The following WWOX variants were observed in gnomAD, a reference collection of about 807,000 sequenced individuals.
WWOX encodes WW domain containing oxidoreductase.
Under a neutral mutation model 46.2 loss-of-function variants are expected in WWOX, and 69 were observed. That is an observed-to-expected ratio of 1.49 (90% CI 1.23 to 1.82). WWOX has a LOEUF of 1.82. WWOX is among the 40% of genes most tolerant of loss of function. WWOX has a pLI of 0.00. For missense variants in WWOX, 919 were observed against 542.6 expected (o/e 1.69, Z -6.89); for synonymous variants, 359 against 202.6 (o/e 1.77, Z -6.56).
chr16:78,940,275 C>G (rs562053930), intron 8 of WWOX, among the ~76,000 whole-genome samples: 17 of 152,298 alleles, frequency 1.1e-4, no homozygotes, highest in African/African-American at 2.9e-4. Flanking sequence ...TAAATAACCT[C>G]TGTGGTATTT....
intron 5 of WWOX, among the ~76,000 whole-genome samples, chr16:78,322,895 G>C (rs1183908541): frequency 6.6e-6 from 1 of 152,122 alleles, no homozygotes; most frequent in East Asian, 1.9e-4. Context: ...TGATTTTCAT[G>C]ATCACAACTT....
chr16:78,897,412 G>T (rs980230299), intron 8 of WWOX: 1 of 152,046 alleles, frequency 6.6e-6, no homozygotes, highest in African/African-American at 2.4e-5. Context: ...TCATTTAATA[G>T]AAATCATACC....
chr16:78,751,841 A>AG (rs2049488356), intron 8 of WWOX, among the ~76,000 whole-genome samples: 2 of 152,034 alleles, frequency 1.3e-5, no homozygotes. Context: ...GAAAGGAAGG[A>AG]GGGAGGGAAG....
intron 5 of WWOX, among the ~76,000 whole-genome samples, chr16:78,337,105 G>T (rs4493047): frequency 6.6e-6 from 1 of 152,052 alleles, no homozygotes; most frequent in African/African-American, 2.4e-5. Flanking sequence ...ATTTTAAGTA[G>T]CTGGTAACTC....
chr16:78,233,286 A>C (rs1025659129), intron 5 of WWOX, among the ~76,000 whole-genome samples: 3 of 146,558 alleles, frequency 2.0e-5, no homozygotes, highest in African/African-American at 7.5e-5. Context: ...CATAATAGCC[A>C]CGTAGAGGAC....
At chr16:78,405,656 A>G (rs1242535043) in intron 6 of WWOX, among the ~76,000 whole-genome samples, 2 of 152,250 alleles carry the variant, frequency 1.3e-5, no homozygotes, top group African/African-American at 4.8e-5. Flanking sequence ...GGTGGGTACC[A>G]TATCCCCAAA....
chr16:78,423,373 G>T (rs1019328761), intron 6 of WWOX, among the ~76,000 whole-genome samples: 10 of 152,084 alleles, frequency 6.6e-5, no homozygotes, highest in African/African-American at 2.4e-4. Flanking sequence ...TATTCTAAAT[G>T]TAATAATTCC....
intron 8 of WWOX, among the ~76,000 whole-genome samples, chr16:78,875,071 C>G (rs1484476378): frequency 6.6e-6 from 1 of 152,142 alleles, no homozygotes; most frequent in Non-Finnish European, 1.5e-5. Flanking sequence ...GACAACTCAA[C>G]AAGCTAGCTC....
intron 8 of WWOX, among the ~76,000 whole-genome samples, chr16:78,700,981 A>G (rs2048204276): frequency 1.3e-5 from 2 of 152,140 alleles, no homozygotes; most frequent in Non-Finnish European, 2.9e-5. Flanking sequence ...GGAAGGAAGT[A>G]CAATGTCCTG....
At chr16:78,524,608 A>AC (rs1014153120) in intron 8 of WWOX, among the ~76,000 whole-genome samples, 3 of 151,716 alleles carry the variant, frequency 2.0e-5, no homozygotes, top group African/African-American at 4.8e-5. Flanking sequence ...TTTAGTAAAG[A>AC]CGGGGTTTCA....
intron 5 of WWOX, among the ~76,000 whole-genome samples, chr16:78,370,241 A>G (rs2081641069): frequency 6.6e-6 from 1 of 151,648 alleles, no homozygotes; most frequent in South Asian, 2.1e-4. Context: ...GGGGCAAGTT[A>G]GCTAATCTCT....
At chr16:78,670,358 G>C (rs1338734755) in intron 8 of WWOX, among the ~76,000 whole-genome samples, 1 of 152,164 alleles carries the variant, frequency 6.6e-6, no homozygotes, top group East Asian at 1.9e-4. Context: ...CAGTGACCCT[G>C]GTTCATCCCG....
chr16:78,375,284 C>G (rs1027787804), intron 5 of WWOX, among the ~76,000 whole-genome samples: 1 of 152,220 alleles, frequency 6.6e-6, no homozygotes, highest in Non-Finnish European at 1.5e-5. Context: ...GGCCAACTTC[C>G]GAGAGGCCGG....
intron 5 of WWOX, among the ~76,000 whole-genome samples, chr16:78,351,508 C>T (rs923639329): frequency 2.6e-5 from 4 of 152,122 alleles, no homozygotes; most frequent in Non-Finnish European, 5.9e-5. Context: ...TGCCCCTGTG[C>T]AGGCAGGAAT....
chr16:78,582,580 A>G (rs2045087623), intron 8 of WWOX, among the ~76,000 whole-genome samples: 1 of 152,172 alleles, frequency 6.6e-6, no homozygotes, highest in Admixed American at 6.5e-5. Flanking sequence ...TTATATGTTG[A>G]TCAATGACAC....
chr16:78,964,302 T>A (rs1325390688), intron 8 of WWOX, among the ~76,000 whole-genome samples: 1 of 152,198 alleles, frequency 6.6e-6, no homozygotes, highest in African/African-American at 2.4e-5. Flanking sequence ...CCCAAAATGC[T>A]GATAGCAATA....
chr16:78,366,534 A>T (rs577927080), intron 5 of WWOX, among the ~76,000 whole-genome samples: 2 of 152,306 alleles, frequency 1.3e-5, no homozygotes, highest in Admixed American at 1.3e-4. Context: ...CTACACTCTT[A>T]TTCTAAAATA....
intron 6 of WWOX, among the ~76,000 whole-genome samples, chr16:78,410,575 C>T (rs370737026): frequency 7.2e-5 from 11 of 151,750 alleles, no homozygotes; most frequent in Non-Finnish European, 1.2e-4. Context: ...TTTGGGAGGT[C>T]GAGGTGAGTG....
chr16:79,105,881 C>G (rs1385806039), intron 8 of WWOX: 1 of 152,178 alleles, frequency 6.6e-6, no homozygotes, highest in East Asian at 1.9e-4. Flanking sequence ...CCTTTTTACA[C>G]AAGCTGGCCT....
Sources: allele counts gnomAD v4.1 joint callset (sites outside exome capture counted in the v4.1 genomes callset), GRCh38; gene constraint gnomAD v4.1.1; transcripts MANE v1.5; gene names NCBI Gene and HGNC (gene_info 2026-07-23, HGNC 2026-07-21).